Variants in CSMD1 observed in about 807,000 individuals in gnomAD.
The protein encoded by CSMD1 is CUB and Sushi multiple domains 1.
In CSMD1, 213 loss-of-function variants were observed where a neutral mutation model predicts 417.5. The observed-to-expected ratio is 0.51, with a 90% confidence interval of 0.46 to 0.57. The LOEUF (loss-of-function observed/expected upper bound fraction) is 0.57, where lower values mean the gene tolerates loss of function less well. Among genes scored for constraint, CSMD1 ranks in the 20% least tolerant of loss-of-function variants. The pLI, the probability that CSMD1 is intolerant of heterozygous loss-of-function variation, is 0.00. For synonymous variants in CSMD1, 2,862 were observed against 1,736.8 expected, an observed-to-expected ratio of 1.65 and a Z score of -16.11; for missense variants, 6,923 against 4,529.7, an observed-to-expected ratio of 1.53 and a Z score of -15.17.
At chr8:2,963,446 G>C in intron 59 of CSMD1, 51 bp from the exon 60 acceptor site, 1 of 1,571,828 alleles carries the variant, frequency 6.4e-7, no homozygotes, top group South Asian at 1.1e-5. Flanking sequence ...CCGCTGCAGC[G>C]GTGATGTTCA....
chr8:3,476,982 CA>C (rs1347885820), intron 11 of CSMD1, among the ~76,000 whole-genome samples: 2 of 150,898 alleles, frequency 1.3e-5, no homozygotes, highest in Non-Finnish European at 2.9e-5. Flanking sequence ...CCTGTCAACA[CA>C]AAGGGATACT....
chr8:3,241,199 C>G (rs1361764301), intron 26 of CSMD1, among the ~76,000 whole-genome samples: 1 of 151,514 alleles, frequency 6.6e-6, no homozygotes, highest in Non-Finnish European at 1.5e-5. Context: ...AATAAGGGAA[C>G]TGGGCAGGTG....
chr8:4,454,010 G>C (rs1029536344), intron 2 of CSMD1, among the ~76,000 whole-genome samples: 14 of 151,576 alleles, frequency 9.2e-5, no homozygotes, highest in African/African-American at 2.9e-4. Context: ...TTTTAGTAGA[G>C]ACGGGGTTTC....
At chr8:4,461,330 C>G (rs776952460) in intron 2 of CSMD1, among the ~76,000 whole-genome samples, 11 of 151,848 alleles carry the variant, frequency 7.2e-5, no homozygotes, top group Admixed American at 2.0e-4. Flanking sequence ...AAGACAAATT[C>G]TATTCCACAG....
chr8:4,151,061 C>G (rs149532494), intron 3 of CSMD1, among the ~76,000 whole-genome samples: 2 of 152,224 alleles, frequency 1.3e-5, no homozygotes, highest in African/African-American at 4.8e-5. Context: ...GAGCCTACAG[C>G]TAAGTTTACG....
At chr8:3,348,204 A>T (rs374119135) in intron 21 of CSMD1, 43 bp from the exon 22 acceptor site, 2 of 1,525,714 alleles carry the variant, frequency 1.3e-6, no homozygotes, top group African/African-American at 2.8e-5. Context: ...TCAAAAGTGG[A>T]ATTACTGTTT....
At chr8:4,712,349 C>G (rs1167831573) in intron 1 of CSMD1, among the ~76,000 whole-genome samples, 1 of 152,124 alleles carries the variant, frequency 6.6e-6, no homozygotes, top group Non-Finnish European at 1.5e-5. Context: ...GAACGGAAAA[C>G]CCTTTGATTT....
In CSMD1 at chr8:2,968,697, A is replaced by G. The variant is rs112825710; in HGVS notation, c.8924-1951T>C. On this transcript the variant is annotated intron_variant, in intron 57 of 69. Transcript: ENST00000635120. Reference sequence around the variant, plus strand: ...TATCAATGCAATTATGTAAAATTATAAGACAGGACTAAGACTAAAACAAAA... The same window carrying G: ...TATCAATGCAATTATGTAAAATTATGAGACAGGACTAAGACTAAAACAAAA... Among the ~76,000 whole-genome samples, 325 of 152,308 alleles carry G rather than the reference A, an allele frequency of 2.1e-3. 1 individual carries two copies. The highest frequency in any genetic ancestry group is 7.5e-3 in the African/African-American group (312 of 41,586).
At chr8:3,891,474 G>A (rs1329531483) in intron 5 of CSMD1, among the ~76,000 whole-genome samples, 1 of 152,168 alleles carries the variant, frequency 6.6e-6, no homozygotes, top group East Asian at 1.9e-4. Context: ...GTATACAGGA[G>A]TTTGAGACCA....
chr8:3,923,667 C>T (rs989249876), intron 5 of CSMD1, among the ~76,000 whole-genome samples: 1 of 152,130 alleles, frequency 6.6e-6, no homozygotes, highest in African/African-American at 2.4e-5. Flanking sequence ...ATATATAATA[C>T]ATTCTTTTTA....
intron 5 of CSMD1, among the ~76,000 whole-genome samples, chr8:3,989,779 G>A (rs998221864): frequency 1.1e-4 from 17 of 152,194 alleles, no homozygotes; most frequent in Admixed American, 7.2e-4. Flanking sequence ...CTCATTTAAA[G>A]GATGTATTAA....
At chr8:3,055,576 G>C (rs1384726652) in intron 49 of CSMD1, among the ~76,000 whole-genome samples, 1 of 152,230 alleles carries the variant, frequency 6.6e-6, no homozygotes, top group African/African-American at 2.4e-5. Context: ...CTATAGGATA[G>C]GCATCCATAG....
chr8:3,400,319 G>A (rs966187173), intron 15 of CSMD1, among the ~76,000 whole-genome samples: 1 of 151,996 alleles, frequency 6.6e-6, no homozygotes, highest in African/African-American at 2.4e-5. Flanking sequence ...AATCATCTTT[G>A]TGGATTTATA....
chr8:4,529,298 C>G (rs747501463), intron 2 of CSMD1, among the ~76,000 whole-genome samples: 1 of 152,142 alleles, frequency 6.6e-6, no homozygotes, highest in Non-Finnish European at 1.5e-5. Context: ...CACAACATTA[C>G]AACAGATTGT....
At chr8:3,014,647 T>C (rs77173367) in intron 52 of CSMD1, among the ~76,000 whole-genome samples, 7,317 of 152,196 alleles carry the variant, frequency 0.048, 182 homozygotes, top group East Asian at 0.07. Context: ...TTTAAAAACG[T>C]CCCGCCTATA....
chr8:3,607,590 C>G (rs1938331727), intron 8 of CSMD1, among the ~76,000 whole-genome samples: 1 of 152,092 alleles, frequency 6.6e-6, no homozygotes, highest in Non-Finnish European at 1.5e-5. Context: ...TAGGAGATCA[C>G]CAGGCAATGG....
intron 1 of CSMD1, among the ~76,000 whole-genome samples, chr8:4,897,662 G>T (rs545544845): frequency 1.3e-5 from 2 of 152,072 alleles, no homozygotes; most frequent in African/African-American, 4.8e-5. Flanking sequence ...TATTTATACA[G>T]TATCTTAAGC....
At chr8:3,879,201 T>C (rs1338395925) in intron 5 of CSMD1, among the ~76,000 whole-genome samples, 1 of 152,126 alleles carries the variant, frequency 6.6e-6, no homozygotes, top group African/African-American at 2.4e-5. Flanking sequence ...TCTCTTTGCC[T>C]AGAAATATAC....
chr8:4,382,507 G>T (rs545864462), intron 3 of CSMD1, among the ~76,000 whole-genome samples: 2 of 152,144 alleles, frequency 1.3e-5, no homozygotes, highest in Non-Finnish European at 2.9e-5. Flanking sequence ...TCTGTTCACC[G>T]CTCTTCTTTT....
Sources: gnomAD v4.1 joint callset for allele counts (sites outside exome capture counted in the v4.1 genomes callset) on GRCh38, gnomAD v4.1.1 for gene constraint, MANE v1.5 for transcripts, NCBI Gene and HGNC (gene_info 2026-07-23, HGNC 2026-07-21) for gene names.